Variants in ZNF804A observed in about 807,000 individuals in gnomAD.
The protein encoded by ZNF804A is zinc finger protein 804A.
Under a neutral mutation model 16.5 loss-of-function variants are expected in ZNF804A, and 2 were observed. The ratio of observed to expected loss-of-function variants is 0.12; its 90% confidence interval spans 0.05 to 0.38. The LOEUF is 0.38. Among genes scored for constraint, ZNF804A ranks in the 10% least tolerant of loss-of-function variants. The pLI is 0.99. For synonymous variants in ZNF804A, 534 were observed against 489.6 expected (o/e 1.09, Z -1.20); for missense variants, 1,473 against 1,390.7 (o/e 1.06, Z -0.94).
At chr2:184,704,064 T>C (rs1045727116) in intron 1 of ZNF804A, among the ~76,000 whole-genome samples, 1 of 152,112 alleles carries the variant, frequency 6.6e-6, no homozygotes, top group Non-Finnish European at 1.5e-5. Flanking sequence ...GTTAATATAT[T>C]AAGATACAAT....
intron 1 of ZNF804A, among the ~76,000 whole-genome samples, chr2:184,789,445 T>G (rs1694498832): frequency 6.6e-6 from 1 of 152,158 alleles, no homozygotes; most frequent in Non-Finnish European, 1.5e-5. Flanking sequence ...AAACTTTGGA[T>G]GTGAATCTTT....
chr2:184,845,445 T>C (rs1189990264), intron 1 of ZNF804A, among the ~76,000 whole-genome samples: 4 of 152,120 alleles, frequency 2.6e-5, no homozygotes, highest in Non-Finnish European at 5.9e-5. Flanking sequence ...CTTTATTCCA[T>C]TTTTGGCTAC....
At chr2:184,745,773 A>G (rs1693781404) in intron 1 of ZNF804A, among the ~76,000 whole-genome samples, 1 of 151,644 alleles carries the variant, frequency 6.6e-6, no homozygotes, top group African/African-American at 2.4e-5. Flanking sequence ...GGCAAAAATC[A>G]TGTTCTATGT....
Position 184,893,250 on chromosome 2 carries a change from G to T in ZNF804A, c.255+26738G>T, listed in dbSNP as rs777642299. Among the ~76,000 whole-genome samples the T allele has an allele frequency of 6.9e-4, 105 of 152,102 alleles. 1 individual carries two copies. The highest frequency in any genetic ancestry group is 2.0e-3 in the Admixed American group (30 of 15,274). On this transcript the variant is annotated intron_variant, in intron 2 of 3. Coordinates refer to ENST00000302277, the MANE Select transcript of ZNF804A (RefSeq NM_194250.2). ...TAAATGTGTTTGCTCCCTGATATAT[G>T]AAAAATTTGGTAAGGTAACTTGATT...
In ZNF804A at chr2:184,936,855, C is replaced by A; in HGVS notation, c.1459C>A (p.Gln487Lys). 1 of 1,613,078 alleles carries A rather than the reference C, an allele frequency of 6.2e-7. No individual in the cohort carries two copies. Among genetic ancestry groups the A allele is most frequent in the East Asian group, 2.2e-5 (1 of 44,858 alleles). The change falls in exon 4 of 4, where the codon CAG (glutamine) becomes AAG (lysine). Residue 487 changes from glutamine to lysine, a missense_variant. Physicochemically the swap from Gln to Lys is moderately conservative, Grantham distance 53. Transcript: ENST00000302277. ...KPDLKDLCSQQKQEDICMGPL... is the reference protein window; with the variant it reads ...KPDLKDLCSQKKQEDICMGPL... ...AGACTTAAAAGATCTTTGTTCTCAG[C>A]AGAAGCAGGAAGACATTTGCATGGG...
At chr2:184,814,671 G>T (rs1479709385) in intron 1 of ZNF804A, among the ~76,000 whole-genome samples, 2 of 152,024 alleles carry the variant, frequency 1.3e-5, no homozygotes, top group African/African-American at 4.8e-5. Flanking sequence ...TTGTCTGGTA[G>T]CTGAGAGGCC....
Position 184,937,609 on chromosome 2 carries a change from G to A in ZNF804A, c.2213G>A (p.Ser738Asn). The part of the protein sequence containing the change: ...KMSSCSQDHR[S>N]LVLQNDMKHM... ...TCAAGCTGTAGTCAGGATCACAGAAGCTTAGTTCTTCAAAATGATATGAAA... is the reference window on the plus strand; with the variant it reads ...TCAAGCTGTAGTCAGGATCACAGAAACTTAGTTCTTCAAAATGATATGAAA... Residue 738 changes from serine to asparagine, a missense_variant, in exon 4 of 4, where the codon AGC (serine) becomes AAC (asparagine). By Grantham distance (46) the Ser-to-Asn change is conservative. Transcript: ENST00000302277. The A allele has an allele frequency of 1.9e-6, 3 of 1,613,688 alleles. No individual in the cohort carries two copies. Among genetic ancestry groups the A allele is most frequent in the South Asian group, 2.2e-5 (2 of 91,048 alleles).
chr2:184,733,532 A>C (rs573601299), intron 1 of ZNF804A, among the ~76,000 whole-genome samples: 1 of 152,180 alleles, frequency 6.6e-6, no homozygotes, highest in East Asian at 1.9e-4. Context: ...TGCTGGCCTC[A>C]TGGAATGGCT....
rs751817138 is a variant in ZNF804A at position 184,936,311 on chromosome 2, A to T, written c.915A>T (p.Ala305=). Residue 305 remains alanine (A), a synonymous_variant, in exon 4 of 4, where the codon GCA becomes GCT. Transcript: ENST00000302277. ...EIKEVSSEKD[A]LLLPSFCKFQ... ...AAGAAGTCTCTAGTGAAAAAGATGC[A>T]TTATTATTACCTTCATTTTGCAAGT... 2 of 1,613,820 alleles carry T rather than the reference A, an allele frequency of 1.2e-6. No individual in the cohort carries two copies. The highest frequency in any genetic ancestry group is 1.1e-5 in the South Asian group (1 of 91,076).
At chr2:184,846,381 T>A (rs139995693) in intron 1 of ZNF804A, among the ~76,000 whole-genome samples, 297 of 152,284 alleles carry the variant, frequency 2.0e-3, no homozygotes, top group Admixed American at 3.2e-3. Flanking sequence ...AAATGGCCAA[T>A]GCCTATACAT....
chr2:184,667,094 A>T (rs1429225557), intron 1 of ZNF804A, among the ~76,000 whole-genome samples: 1 of 151,972 alleles, frequency 6.6e-6, no homozygotes, highest in African/African-American at 2.4e-5. Flanking sequence ...CTTAAAATGC[A>T]TTGTATTGAG....
intron 3 of ZNF804A, among the ~76,000 whole-genome samples, chr2:184,934,437 T>A (rs1685752958): frequency 6.6e-6 from 1 of 152,146 alleles, no homozygotes; most frequent in South Asian, 2.1e-4. Context: ...ATTCCAAATC[T>A]ACTTTTTGCT....
At chr2:184,822,042 C>T (rs1695094801) in intron 1 of ZNF804A, among the ~76,000 whole-genome samples, 1 of 152,064 alleles carries the variant, frequency 6.6e-6, no homozygotes, top group Non-Finnish European at 1.5e-5. Context: ...TACCATTTGA[C>T]CCAGCAATTC....
At chr2:184,768,403 T>C (rs1181102833) in intron 1 of ZNF804A, among the ~76,000 whole-genome samples, 2 of 152,038 alleles carry the variant, frequency 1.3e-5, no homozygotes, top group Admixed American at 6.6e-5. Flanking sequence ...TTATGAAACA[T>C]TGAAAATACA....
chr2:184,894,678 T>C (rs1167976143), intron 2 of ZNF804A, among the ~76,000 whole-genome samples: 1 of 152,072 alleles, frequency 6.6e-6, no homozygotes, highest in Non-Finnish European at 1.5e-5. Flanking sequence ...ACTTAAGATA[T>C]ACTTAATATT....
intron 1 of ZNF804A, among the ~76,000 whole-genome samples, chr2:184,628,312 T>C (rs1175281050): frequency 7.3e-5 from 11 of 151,128 alleles, no homozygotes; most frequent in Admixed American, 4.6e-4. Context: ...AAACCGTCTC[T>C]GAAAAAGAAA....
At chr2:184,742,877 C>G (rs1693730683) in intron 1 of ZNF804A, among the ~76,000 whole-genome samples, 1 of 151,820 alleles carries the variant, frequency 6.6e-6, no homozygotes, top group Admixed American at 6.6e-5. Flanking sequence ...AGATCTCAAT[C>G]TGGTGAAAGT....
At chr2:184,728,307 A>G (rs555242498) in intron 1 of ZNF804A, among the ~76,000 whole-genome samples, 5 of 151,856 alleles carry the variant, frequency 3.3e-5, no homozygotes, top group Non-Finnish European at 7.4e-5. Context: ...CAATTTCTCA[A>G]TGTTATGGGA....
intron 1 of ZNF804A, among the ~76,000 whole-genome samples, chr2:184,616,536 T>C (rs987986213): frequency 2.6e-5 from 4 of 152,170 alleles, no homozygotes; most frequent in African/African-American, 9.7e-5. Flanking sequence ...AGAAGAATTA[T>C]CGTTCTTCCC....
Sources: allele counts gnomAD v4.1 joint callset (sites outside exome capture counted in the v4.1 genomes callset), GRCh38; gene constraint gnomAD v4.1.1; transcripts MANE v1.5; gene names NCBI Gene and HGNC (gene_info 2026-07-23, HGNC 2026-07-21).